The following IGF1R variants were observed in gnomAD, a reference collection of about 807,000 sequenced individuals.
IGF1R encodes insulin like growth factor 1 receptor.
A neutral mutation model predicts 144.6 loss-of-function variants in IGF1R; 44 were observed. That is an observed-to-expected ratio of 0.30 (90% CI 0.24 to 0.39). IGF1R has a LOEUF of 0.39. Ranked by LOEUF, IGF1R falls within the 10% of genes least tolerant of loss-of-function variation. The pLI is 1.00. For synonymous variants in IGF1R, 795 were observed against 722.8 expected, an observed-to-expected ratio of 1.10 and a Z score of -1.60; for missense variants, 1,355 against 1,833.7, an observed-to-expected ratio of 0.74 and a Z score of 4.77.
Position 98,823,968 on chromosome 15 carries a change from T to C in IGF1R, c.641-67357T>C, listed in dbSNP as rs1680240363. 2.0e-5 allele frequency among the ~76,000 whole-genome samples: 3 copies of C among 152,348 alleles called. No homozygotes were observed. The South Asian group carries it at 6.2e-4, about 32-fold the overall frequency. ...TTAAGCAACATTATTTTTGGAATTG[T>C]GTTGTTTCTTATACTCAGTCATTTG... On this transcript the variant is annotated intron_variant, in intron 2 of 20. Transcript: ENST00000650285.
chr15:98,705,539 G>A (rs2053840656), intron 1 of IGF1R, among the ~76,000 whole-genome samples: 1 of 152,130 alleles, frequency 6.6e-6, no homozygotes, highest in Non-Finnish European at 1.5e-5. Flanking sequence ...CTCTGTCTTA[G>A]GGGTGTCATT....
At chr15:98,868,895 G>C (rs1361034457) in intron 2 of IGF1R, among the ~76,000 whole-genome samples, 1 of 152,152 alleles carries the variant, frequency 6.6e-6, no homozygotes, top group Non-Finnish European at 1.5e-5. Context: ...TCACACCCTT[G>C]AGAGAGGATT....
intron 2 of IGF1R, among the ~76,000 whole-genome samples, chr15:98,712,801 G>A (rs953255049): frequency 4.0e-5 from 6 of 151,010 alleles, no homozygotes; most frequent in Admixed American, 4.0e-4. Flanking sequence ...GTAGAGACGG[G>A]GTTTCACCAT....
At chr15:98,674,981 T>A (rs1406171161) in intron 1 of IGF1R, among the ~76,000 whole-genome samples, 2 of 142,204 alleles carry the variant, frequency 1.4e-5, no homozygotes, top group African/African-American at 5.3e-5. Flanking sequence ...TTTACAATTT[T>A]TTTTTTTTTT....
intron 17 of IGF1R, among the ~76,000 whole-genome samples, chr15:98,937,801 A>C (rs2016211522): frequency 6.6e-6 from 1 of 152,222 alleles, no homozygotes. Context: ...ACTTCATAAC[A>C]CATATAGGTC....
At chr15:98,888,639 T>G (rs1450871624) in intron 2 of IGF1R, among the ~76,000 whole-genome samples, 1 of 152,188 alleles carries the variant, frequency 6.6e-6, no homozygotes, top group African/African-American at 2.4e-5. Context: ...GATTAGTTTT[T>G]GGAAATAGCC....
In IGF1R at chr15:98,891,614, C is replaced by T. The variant is rs554696305; in HGVS notation, c.930C>T (p.Gly310=). The change falls in exon 3 of 21, where the codon GGC becomes GGT. Residue 310 remains glycine, a synonymous_variant. Coordinates refer to ENST00000650285, the MANE Select transcript of IGF1R (RefSeq NM_000875.5). The surrounding 1 kb of genome is among the most constrained non-coding windows in gnomAD (Gnocchi z 4.7). ...DGECMQECPS[G]FIRNGSQSMY... is the part of the protein sequence containing the mutation. Reference sequence around the variant, plus strand: ...AGTGCATGCAGGAGTGCCCCTCGGGCTTCATCCGCAACGGCAGCCAGAGGT... The same window carrying T: ...AGTGCATGCAGGAGTGCCCCTCGGGTTTCATCCGCAACGGCAGCCAGAGGT... 3.7e-6 allele frequency: 6 copies of T among 1,601,794 alleles called. No homozygotes were observed. Among genetic ancestry groups the T allele is most frequent in the Middle Eastern group, 1.6e-4 (1 of 6,062 alleles).
chr15:98,651,445 G>T (rs1233142397), intron 1 of IGF1R, among the ~76,000 whole-genome samples: 1 of 152,212 alleles, frequency 6.6e-6, no homozygotes, highest in East Asian at 1.9e-4. Flanking sequence ...TGGCTGGGGG[G>T]ACAAAGGAGG....
At chr15:98,783,287 A>C (rs1388420743) in intron 2 of IGF1R, among the ~76,000 whole-genome samples, 1 of 152,192 alleles carries the variant, frequency 6.6e-6, no homozygotes, top group Admixed American at 6.5e-5. Context: ...TCATCACCAC[A>C]AAGGTACACC....
intron 13 of IGF1R, among the ~76,000 whole-genome samples, chr15:98,926,680 C>T (rs1290959382): frequency 2.0e-5 from 3 of 152,212 alleles, no homozygotes; most frequent in African/African-American, 7.2e-5. Context: ...CTAATACAGA[C>T]AGCAAAAGCA....
At chr15:98,665,933 C>G (rs537009349) in intron 1 of IGF1R, among the ~76,000 whole-genome samples, 3 of 152,064 alleles carry the variant, frequency 2.0e-5, no homozygotes, top group Non-Finnish European at 4.4e-5. Flanking sequence ...TCTTGCTAAG[C>G]GAATATTGCC....
At chr15:98,877,683 A>G (rs1475652670) in intron 2 of IGF1R, among the ~76,000 whole-genome samples, 1 of 151,952 alleles carries the variant, frequency 6.6e-6, no homozygotes, top group Non-Finnish European at 1.5e-5. Context: ...TGTTCAATTT[A>G]CTCAGCACCT....
chr15:98,733,530 C>G (rs987005698), intron 2 of IGF1R, among the ~76,000 whole-genome samples: 3 of 151,278 alleles, frequency 2.0e-5, no homozygotes, highest in South Asian at 4.2e-4. Context: ...GTGGTCCAGA[C>G]GAGGCCAGAG....
intron 2 of IGF1R, among the ~76,000 whole-genome samples, chr15:98,721,773 TAAAC>T (rs1416894879): frequency 5.3e-5 from 8 of 152,320 alleles, no homozygotes; most frequent in South Asian, 4.1e-4. Flanking sequence ...CTGGAATGAA[TAAAC>T]AAACTAAATA....
chr15:98,826,066 G>A (rs1043313767), intron 2 of IGF1R, among the ~76,000 whole-genome samples: 7 of 152,190 alleles, frequency 4.6e-5, no homozygotes, highest in Admixed American at 6.5e-5. Flanking sequence ...GAGTTGTTAG[G>A]CTGGGGCCTG....
intron 13 of IGF1R, among the ~76,000 whole-genome samples, chr15:98,927,274 A>G (rs1409358177): frequency 6.6e-6 from 1 of 152,186 alleles, no homozygotes; most frequent in East Asian, 1.9e-4. Flanking sequence ...GCTACAGTTT[A>G]GTCTCATTTC....
chr15:98,799,042 T>C (rs966831423), intron 2 of IGF1R, among the ~76,000 whole-genome samples: 2 of 152,142 alleles, frequency 1.3e-5, no homozygotes, highest in Non-Finnish European at 2.9e-5. Context: ...ATTTCAGTTT[T>C]CTTTAGGGAA....
At position 98,957,057 on chromosome 15, in the gene IGF1R, G is replaced by A. The variant is rs185740950; in HGVS notation, c.3723-4G>A. 292 of 1,614,122 alleles carry A rather than the reference G, an allele frequency of 1.8e-4. 3 individuals are homozygous for A. The East Asian group carries it at 6.2e-3, about 34-fold the overall frequency. On this transcript the variant is annotated splice_polypyrimidine_tract_variant and splice_region_variant and intron_variant, in intron 20 of 20. Transcript: ENST00000650285. The stretch of plus-strand genomic sequence containing the variant: ...GGACCCCCTCCCGTGTGTCTTGGCT[G>A]CAGGTTTGAACTGATGCGCATGTGC...
chr15:98,957,206 C>T lies in IGF1R; in HGVS notation c.3868C>T (p.Pro1290Ser), dbSNP rs2017029053. 2 of 1,614,224 alleles carry T rather than the reference C, an allele frequency of 1.2e-6. No homozygotes were observed. Among genetic ancestry groups the T allele is most frequent in the Non-Finnish European group, 8.5e-7 (1 of 1,180,026 alleles). ...YYSEENKLPEPEELDLEPENM... is the reference protein window; with the variant it reads ...YYSEENKLPESEELDLEPENM... ...CAGCGAGGAGAACAAGCTGCCCGAGCCGGAGGAGCTGGACCTGGAGCCAGA... is the reference window on the plus strand; with the variant it reads ...CAGCGAGGAGAACAAGCTGCCCGAGTCGGAGGAGCTGGACCTGGAGCCAGA... Residue 1290 changes from proline (P) to serine (S), a missense_variant, in exon 21 of 21, where the codon CCG (proline) becomes TCG (serine). Pro to Ser is a moderately conservative substitution (Grantham distance 74, BLOSUM62 -1). Transcript: ENST00000650285.
Sources: allele counts gnomAD v4.1 joint callset (sites outside exome capture counted in the v4.1 genomes callset), GRCh38; gene constraint gnomAD v4.1.1; non-coding constraint Gnocchi (gnomAD v3.1); transcripts MANE v1.5; gene names NCBI Gene and HGNC (gene_info 2026-07-23, HGNC 2026-07-21).